The following ARHGAP18 variants were observed in gnomAD, a reference collection of about 807,000 sequenced individuals.
ARHGAP18 encodes the protein rho GTPase-activating protein 18.
ARHGAP18 carries 67 observed loss-of-function variants against 86.2 expected under a neutral mutation model. That is an observed-to-expected ratio of 0.78 (90% CI 0.64 to 0.95). The LOEUF (loss-of-function observed/expected upper bound fraction) is 0.95. Among genes scored for constraint, ARHGAP18 ranks in the 40% least tolerant of loss-of-function variants. ARHGAP18 has a pLI of 0.00. For missense variants in ARHGAP18, 691 were observed against 780.4 expected, an observed-to-expected ratio of 0.89 and a Z score of 1.37; for synonymous variants, 283 against 280.4, an observed-to-expected ratio of 1.01 and a Z score of -0.09.
intron 1 of ARHGAP18, among the ~76,000 whole-genome samples, chr6:129,691,655 C>T (rs1443341079): frequency 6.6e-6 from 1 of 152,010 alleles, no homozygotes; most frequent in Non-Finnish European, 1.5e-5. Context: ...CTTCTCGGGC[C>T]ACCTAACCAG....
At position 129,647,221 on chromosome 6, in the gene ARHGAP18, T is replaced by A. The variant is rs530174380; in HGVS notation, c.114-5203A>T. ...AAGGGGCAGAAGTTCTCTCTGGGCA[T>A]CCCCTTTTGGCCAGTATATTTGAAA... On this transcript the variant is annotated intron_variant, in intron 1 of 14. Transcript: ENST00000368149. 9.3e-4 allele frequency among the ~76,000 whole-genome samples: 141 copies of A among 152,308 alleles called. 1 individual carries two copies. Among genetic ancestry groups the A allele is most frequent in the African/African-American group, 3.3e-3 (139 of 41,566 alleles).
chr6:129,583,933 G>C, intron 13 of ARHGAP18, 55 bp downstream of exon 13: 1 of 1,562,666 alleles, frequency 6.4e-7, no homozygotes, highest in Non-Finnish European at 8.7e-7. Flanking sequence ...GAAGGCGAGA[G>C]AGAGAGAGCA....
intron 1 of ARHGAP18, among the ~76,000 whole-genome samples, chr6:129,663,818 G>A (rs1035581524): frequency 3.9e-5 from 6 of 152,208 alleles, no homozygotes; most frequent in African/African-American, 1.2e-4. Context: ...ATATCCACAC[G>A]TACTGAAATC....
intron 10 of ARHGAP18, among the ~76,000 whole-genome samples, chr6:129,602,566 C>T (rs575869240): frequency 6.6e-6 from 1 of 152,178 alleles, no homozygotes; most frequent in South Asian, 2.1e-4. Flanking sequence ...GACCTTGAAA[C>T]TTTGAAACAA....
At chr6:129,599,132 A>T in intron 12 of ARHGAP18, 84 bp downstream of exon 12, 1 of 1,172,262 alleles carries the variant, frequency 8.5e-7, no homozygotes, top group Non-Finnish European at 1.1e-6. Context: ...AGAAAGTCAT[A>T]CTATGAAAAC....
At chr6:129,702,827 C>T (rs1471002533) in intron 1 of ARHGAP18, among the ~76,000 whole-genome samples, 1 of 152,126 alleles carries the variant, frequency 6.6e-6, no homozygotes, top group Non-Finnish European at 1.5e-5. Context: ...TGGCAAAACC[C>T]CGTCTCTACT....
At chr6:129,583,854 T>C (rs1210072148) in intron 13 of ARHGAP18, 134 bp downstream of exon 13, 13 of 1,131,690 alleles carry the variant, frequency 1.1e-5, no homozygotes, top group Non-Finnish European at 1.6e-5. Context: ...GGGAAGACAA[T>C]ATTTTTAAGC....
rs1205862926 is a variant in ARHGAP18, at chr6:129,578,575, T to C, written c.1930A>G (p.Met644Val). 1 of 1,611,874 alleles carries C rather than the reference T, an allele frequency of 6.2e-7. No homozygotes were observed. The highest frequency in any genetic ancestry group is 1.7e-4 in the Middle Eastern group (1 of 6,054). The part of the protein sequence containing the change: ...GERCLDDDTY[M>V]KDLYQLNPNA... The stretch of plus-strand genomic sequence containing the variant: ...GGGTTAAGCTGATATAAATCCTTCA[T>C]GTAAGTGTCATCATCAAGGCAGCGT... The change falls in exon 15 of 15, where the codon ATG becomes GTG. Residue 644 changes from methionine to valine, a missense_variant. Met to Val is a conservative substitution (Grantham distance 21, BLOSUM62 1). Coordinates refer to ENST00000368149, the MANE Select transcript of ARHGAP18 (RefSeq NM_033515.3).
chr6:129,679,853 C>A (rs960490389), intron 1 of ARHGAP18, among the ~76,000 whole-genome samples: 2 of 152,162 alleles, frequency 1.3e-5, no homozygotes, highest in Admixed American at 6.5e-5. Context: ...AATTTAAAAG[C>A]AGGATCACTG....
At chr6:129,587,108 T>C (rs1366388978) in intron 12 of ARHGAP18, among the ~76,000 whole-genome samples, 2 of 152,236 alleles carry the variant, frequency 1.3e-5, no homozygotes, top group African/African-American at 4.8e-5. Flanking sequence ...TGTTCATTTT[T>C]ACTAACAATG....
chr6:129,619,816 C>T lies in ARHGAP18; in HGVS notation c.787-964G>A, dbSNP rs146468431. Among the ~76,000 whole-genome samples, 363 of 151,878 alleles carry T rather than the reference C, an allele frequency of 2.4e-3. 2 individuals carry two copies. Among genetic ancestry groups the T allele is most frequent in the African/African-American group, 8.6e-3 (354 of 41,370 alleles). On this transcript the variant is annotated intron_variant, in intron 5 of 14. Transcript: ENST00000368149. ...AAGATTGGTCCAGAAAGGCTACAGC[C>T]CATTGGGGTAAGAGGGACACAGGGG...
intron 7 of ARHGAP18, among the ~76,000 whole-genome samples, chr6:129,615,247 T>A (rs573501075): frequency 1.3e-5 from 2 of 152,174 alleles, no homozygotes; most frequent in Non-Finnish European, 2.9e-5. Context: ...TAATCACAGG[T>A]ACTGCTGACA....
intron 10 of ARHGAP18, among the ~76,000 whole-genome samples, chr6:129,602,288 TGTAA>T (rs1221915896): frequency 6.6e-6 from 1 of 152,178 alleles, no homozygotes; most frequent in Non-Finnish European, 1.5e-5. Flanking sequence ...GTTTGGAGAA[TGTAA>T]GTAACTTCCT....
chr6:129,655,717 A>C (rs1158680796), intron 1 of ARHGAP18, among the ~76,000 whole-genome samples: 1 of 152,218 alleles, frequency 6.6e-6, no homozygotes, highest in East Asian at 1.9e-4. Context: ...TTATAAGACA[A>C]ATATTGTTAA....
At chr6:129,593,155 G>A (rs922785421) in intron 12 of ARHGAP18, among the ~76,000 whole-genome samples, 3 of 152,150 alleles carry the variant, frequency 2.0e-5, no homozygotes, top group South Asian at 4.2e-4. Context: ...TTTGCTTTTT[G>A]TTTTGTTCTA....
chr6:129,638,965 G>A (rs1236320873), intron 2 of ARHGAP18, among the ~76,000 whole-genome samples: 1 of 152,146 alleles, frequency 6.6e-6, no homozygotes, highest in African/African-American at 2.4e-5. Context: ...AGTTACAGAA[G>A]GAAGTCAATG....
At chr6:129,667,503 G>GTGTGTGTGTGTGTGTGTGTGTGTA (rs548429421) in intron 1 of ARHGAP18, among the ~76,000 whole-genome samples, 2 of 145,288 alleles carry the variant, frequency 1.4e-5, no homozygotes, top group East Asian at 2.0e-4. Context: ...GTGTGTGTGT[G>GTGTGTGTGTGTGTGTGTGTGTGTA]TGTTGTGTAT....
chr6:129,588,342 C>G (rs1162367305), intron 12 of ARHGAP18, among the ~76,000 whole-genome samples: 2 of 152,324 alleles, frequency 1.3e-5, no homozygotes, highest in East Asian at 3.9e-4. Flanking sequence ...TCTTGAACCC[C>G]TGACCTCAAG....
intron 13 of ARHGAP18, among the ~76,000 whole-genome samples, chr6:129,581,484 G>A (rs754176012): frequency 3.3e-5 from 5 of 152,088 alleles, no homozygotes; most frequent in Non-Finnish European, 5.9e-5. Flanking sequence ...CTATTTCTGT[G>A]AAAACCAAAT....
Sources: gnomAD v4.1 joint callset for allele counts (sites outside exome capture counted in the v4.1 genomes callset) on GRCh38, gnomAD v4.1.1 for gene constraint, MANE v1.5 for transcripts, NCBI Gene and HGNC (gene_info 2026-07-23, HGNC 2026-07-21) for gene names.